The following POU2F2 variants were observed in gnomAD, a reference collection of about 807,000 sequenced individuals.
POU2F2 encodes the protein POU domain, class 2, transcription factor 2.
Under a neutral mutation model 63.5 loss-of-function variants are expected in POU2F2, and 14 were observed. The ratio of observed to expected loss-of-function variants is 0.22; its 90% CI spans 0.15 to 0.34. The LOEUF (loss-of-function observed/expected upper bound fraction) is 0.34, where lower values mean the gene tolerates loss of function less well. Ranked by LOEUF, POU2F2 falls within the 10% of genes least tolerant of loss-of-function variation. POU2F2 has a pLI of 1.00. For missense variants in POU2F2, 607 were observed against 815.2 expected (o/e 0.74, Z 3.11); for synonymous variants, 306 against 348.6 (o/e 0.88, Z 1.36).
At chr19:42,166,605 T>G (rs1599702743) in intron 1 of POU2F2, among the ~76,000 whole-genome samples, 1 of 151,260 alleles carries the variant, frequency 6.6e-6, no homozygotes, top group African/African-American at 2.4e-5. Flanking sequence ...ATGCTGGAGG[T>G]GAAGGAGGGG....
At chr19:42,109,288 T>G (rs139442488) in intron 5 of POU2F2, among the ~76,000 whole-genome samples, 1 of 152,288 alleles carries the variant, frequency 6.6e-6, no homozygotes, top group African/African-American at 2.4e-5. Context: ...ATTAGAGGCC[T>G]CCACACAATC....
At position 42,122,420 on chromosome 19, in the gene POU2F2, C is replaced by G. The variant is rs752313160; in HGVS notation, c.95-42G>C. ...AGGATGTGTTGTCATCAGCCACCCCCACCACACCTGTCCCCTCCCAGCTCT... is the reference window on the plus strand; with the variant it reads ...AGGATGTGTTGTCATCAGCCACCCCGACCACACCTGTCCCCTCCCAGCTCT... On this transcript the variant is annotated intron_variant, in intron 2 of 14. Coordinates refer to ENST00000692977, the MANE Select transcript of POU2F2 (RefSeq NM_001394376.1). The G allele has an allele frequency of 5.6e-6, 9 of 1,612,404 alleles. No individual in the cohort carries two copies. In the East Asian group the frequency reaches 1.6e-4, roughly 28 times the overall value.
intron 5 of POU2F2, among the ~76,000 whole-genome samples, chr19:42,105,538 C>G (rs927849112): frequency 5.3e-5 from 8 of 151,976 alleles, no homozygotes; most frequent in African/African-American, 1.9e-4. Context: ...ATTCCCCTTT[C>G]CTCCAGAAGC....
chr19:42,116,037 C>T (rs1016331784), intron 5 of POU2F2, among the ~76,000 whole-genome samples: 1 of 152,198 alleles, frequency 6.6e-6, no homozygotes, highest in Non-Finnish European at 1.5e-5. Context: ...GACAGATTCT[C>T]CCTGGGAGGC....
intron 2 of POU2F2, among the ~76,000 whole-genome samples, chr19:42,154,089 C>T (rs1172608883): frequency 1.3e-5 from 2 of 150,372 alleles, no homozygotes; most frequent in Non-Finnish European, 3.0e-5. Context: ...CCCCCCAGCG[C>T]CACCCGCTCC....
Position 42,117,485 on chromosome 19 carries a change from G to C in POU2F2, c.187-53C>G. 3 of 756,980 alleles carry C rather than the reference G, an allele frequency of 4.0e-6. No individual in the cohort carries two copies. The highest frequency in any genetic ancestry group is 3.3e-5 in the South Asian group (2 of 61,146). 46.9% of individuals were successfully genotyped at this position (756,980 alleles called of 1,614,324 possible). ...TGGCAATGGCAATCAGGCTGGCACA[G>C]GAGGAGCAGACTGGGGTGTGGACAT... On this transcript the variant is annotated intron_variant, in intron 4 of 14. Transcript: ENST00000692977. This position sits in a 1 kb window ranked among gnomAD's most constrained non-coding sequence, Gnocchi z 4.4.
In POU2F2 at chr19:42,099,555, G is replaced by C. The variant is rs778985170; in HGVS notation, c.539C>G (p.Ser180Cys). Reference sequence around the variant, plus strand: ...TGTGGGAAGCCCGGCCCGGGGCTGGGAGGTCAGAAGAGCTCCCTGGGTTTG... The same window carrying C: ...TGTGGGAAGCCCGGCCCGGGGCTGGCAGGTCAGAAGAGCTCCCTGGGTTTG... ...PQQTQGALLT[S>C]QPRAGLPTQA... The change falls in exon 7 of 15, where the codon TCC becomes TGC. Residue 180 changes from serine to cysteine, a missense_variant. Around this residue, in one of 7 missense-constraint regions of POU2F2, gnomAD observed 224 missense variants for 264.3 expected, o/e 0.85. Transcript: ENST00000692977. The C allele has an allele frequency of 2.5e-6, 4 of 1,614,082 alleles. No individual in the cohort carries two copies. The Admixed American group carries it at 6.7e-5, about 27-fold the overall frequency.
intron 5 of POU2F2, among the ~76,000 whole-genome samples, chr19:42,109,986 G>C (rs1329047905): frequency 6.6e-6 from 1 of 152,140 alleles, no homozygotes; most frequent in Non-Finnish European, 1.5e-5. Flanking sequence ...GCTGGATGCA[G>C]TGACTCACGC....
chr19:42,171,768 C>T (rs865989153), intron 1 of POU2F2, among the ~76,000 whole-genome samples: 26 of 152,050 alleles, frequency 1.7e-4, no homozygotes, highest in African/African-American at 6.3e-4. Flanking sequence ...GGGCCACAGC[C>T]CTATACTTTA....
intron 1 of POU2F2, among the ~76,000 whole-genome samples, chr19:42,194,777 A>G (rs1213338378): frequency 1.2e-4 from 18 of 146,066 alleles, no homozygotes; most frequent in Non-Finnish European, 2.3e-4. Context: ...AAAAAAAAAA[A>G]AAAAAAAAAG....
chr19:42,176,679 C>T (rs2034887619), upstream of POU2F2, among the ~76,000 whole-genome samples: 1 of 145,818 alleles, frequency 6.9e-6, no homozygotes, highest in African/African-American at 2.5e-5. Context: ...ACGTACACCT[C>T]TCCTTTGGTT....
At chr19:42,132,321 G>A (rs1204472425) in intron 1 of POU2F2, 63 bp downstream of exon 1, 7 of 1,564,460 alleles carry the variant, frequency 4.5e-6, no homozygotes, top group African/African-American at 2.8e-5. Flanking sequence ...GGCAGGGCCC[G>A]CAGAGCAAAC....
chr19:42,108,422 C>T (rs2030501344), intron 5 of POU2F2, among the ~76,000 whole-genome samples: 1 of 151,854 alleles, frequency 6.6e-6, no homozygotes. Context: ...GGGGTCTCTA[C>T]AAAAAATCCA....
chr19:42,144,247 C>A (rs1266611336), intron 2 of POU2F2, among the ~76,000 whole-genome samples: 3 of 152,258 alleles, frequency 2.0e-5, no homozygotes, highest in Non-Finnish European at 4.4e-5. Context: ...TAGCCTGTGT[C>A]TGTCCTCTTC....
At chr19:42,099,441 TCTCA>T (rs1234630767) in intron 7 of POU2F2, 82 bp downstream of exon 7, 4 of 1,208,784 alleles carry the variant, frequency 3.3e-6, no homozygotes, top group Non-Finnish European at 4.8e-6. Flanking sequence ...GAAAGGAGAC[TCTCA>T]CTCATCCCCC....
chr19:42,178,462 G>C (rs185732711), upstream of POU2F2, among the ~76,000 whole-genome samples: 1 of 152,286 alleles, frequency 6.6e-6, no homozygotes, highest in African/African-American at 2.4e-5. Context: ...GAGATACAGA[G>C]ATAGGAAGAC....
rs1405650998 is a variant in POU2F2 at position 42,095,846 on chromosome 19, C to T, written c.813G>A (p.Leu271=). Residue 271 remains leucine (L), a synonymous_variant, in exon 9 of 15, where the codon CTG becomes CTA. Transcript: ENST00000692977. The surrounding 1 kb of genome is among the most constrained non-coding windows in gnomAD (Gnocchi z 7.1). ...TGAGTTTGCACATGTTCTTGAAGCT[C>T]AGGTTGAGGGCCTCGAAGCGGGAAA... The part of the protein sequence containing the change: ...TTISRFEALN[L]SFKNMCKLKP... The T allele has an allele frequency of 6.2e-7, 1 of 1,613,944 alleles. No homozygotes were observed. Among genetic ancestry groups the T allele is most frequent in the Non-Finnish European group, 8.5e-7 (1 of 1,179,948 alleles).
At chr19:42,106,012 T>TTTCC (rs1491403118) in intron 5 of POU2F2, among the ~76,000 whole-genome samples, 1 of 142,706 alleles carries the variant, frequency 7.0e-6, no homozygotes, top group African/African-American at 2.7e-5. Context: ...TCTTTCTTTC[T>TTTCC]TTCTTTCTTT....
At chr19:42,160,078 C>T (rs35745731) in intron 2 of POU2F2, among the ~76,000 whole-genome samples, 1 of 152,176 alleles carries the variant, frequency 6.6e-6, no homozygotes, top group Non-Finnish European at 1.5e-5. Flanking sequence ...CATCTCTCTC[C>T]TACTGAGCCG....
Sources: gnomAD v4.1 joint callset for allele counts (sites outside exome capture counted in the v4.1 genomes callset) on GRCh38, gnomAD v4.1.1 for gene constraint, gnomAD v4.1.1 regional missense constraint, Gnocchi (gnomAD v3.1) non-coding constraint, MANE v1.5 for transcripts, NCBI Gene and HGNC (gene_info 2026-07-23, HGNC 2026-07-21) for gene names.